Variants in KCNIP4 observed in about 807,000 individuals in gnomAD.
KCNIP4 encodes the protein potassium voltage-gated channel interacting protein 4.
KCNIP4 carries 12 observed loss-of-function variants against 34.0 expected under a neutral mutation model. The observed-to-expected ratio is 0.35, with a 90% CI of 0.23 to 0.57. The LOEUF (loss-of-function observed/expected upper bound fraction) is 0.57. KCNIP4 is among the 20% of genes least tolerant of loss of function. The pLI is 0.83. For synonymous variants in KCNIP4, 124 were observed against 102.2 expected (o/e 1.21, Z -1.29); for missense variants, 238 against 311.7 (o/e 0.76, Z 1.78).
chr4:21,751,494 C>T (rs1022690249), intron 1 of KCNIP4, among the ~76,000 whole-genome samples: 21 of 152,074 alleles, frequency 1.4e-4, no homozygotes, highest in Non-Finnish European at 2.8e-4. Flanking sequence ...AATATGACCT[C>T]CTCAAATAAA....
At chr4:21,358,838 T>C (rs941070916) in intron 1 of KCNIP4, among the ~76,000 whole-genome samples, 4 of 152,108 alleles carry the variant, frequency 2.6e-5, no homozygotes, top group African/African-American at 9.7e-5. Context: ...ATAATTTGTC[T>C]CTTATCTACC....
In KCNIP4 at chr4:20,833,709, G is replaced by A. The variant is rs114695133; in HGVS notation, c.288+16834C>T. On this transcript the variant is annotated intron_variant, in intron 3 of 8. Transcript: ENST00000382152. ...TGGGCTCAATATTAACTTTTTCCTC[G>A]AAGGTGCTAGTTTGTTATCCCACAC... Among the ~76,000 whole-genome samples, 660 of 152,026 alleles carry A rather than the reference G, an allele frequency of 4.3e-3. 2 individuals carry two copies. The highest frequency in any genetic ancestry group is 6.9e-3 in the African/African-American group (285 of 41,468).
chr4:21,393,972 T>C (rs973151529), intron 1 of KCNIP4, among the ~76,000 whole-genome samples: 7 of 152,202 alleles, frequency 4.6e-5, no homozygotes, highest in Admixed American at 4.6e-4. Context: ...AATTCATTCA[T>C]TTACCAAGTG....
At chr4:21,848,657 G>C (rs1315703398) in intron 1 of KCNIP4, 5 of 151,914 alleles carry the variant, frequency 3.3e-5, no homozygotes, top group African/African-American at 4.8e-5. Context: ...TATCCCTAAG[G>C]GCCTAATTCT....
At chr4:20,849,647 T>A (rs1379082475) in intron 3 of KCNIP4, among the ~76,000 whole-genome samples, 1 of 151,118 alleles carries the variant, frequency 6.6e-6, no homozygotes, top group Non-Finnish European at 1.5e-5. Context: ...TTCAAAAGGA[T>A]CAAAGCAATT....
chr4:20,941,654 C>T (rs1731651251), intron 1 of KCNIP4, among the ~76,000 whole-genome samples: 1 of 152,104 alleles, frequency 6.6e-6, no homozygotes, highest in Non-Finnish European at 1.5e-5. Context: ...AAATGCCATA[C>T]AGAAAGGTTA....
intron 1 of KCNIP4, among the ~76,000 whole-genome samples, chr4:21,765,620 T>C (rs1374417354): frequency 6.6e-6 from 1 of 151,752 alleles, no homozygotes; most frequent in African/African-American, 2.4e-5. Flanking sequence ...GTCTTCTTTT[T>C]CTTTTCTTTT....
At chr4:21,822,734 T>TG (rs1722431977) in intron 1 of KCNIP4, among the ~76,000 whole-genome samples, 1 of 151,562 alleles carries the variant, frequency 6.6e-6, no homozygotes, top group Admixed American at 6.6e-5. Flanking sequence ...TTTTTTTTTT[T>TG]TGAGATGGAG....
At chr4:21,098,983 G>A (rs1013243332) in intron 1 of KCNIP4, among the ~76,000 whole-genome samples, 2 of 152,166 alleles carry the variant, frequency 1.3e-5, no homozygotes, top group East Asian at 1.9e-4. Context: ...CACTGACGAG[G>A]CTGCAGAGAA....
At chr4:20,999,431 GTTTTTTGTTTTT>G (rs1737884349) in intron 1 of KCNIP4, among the ~76,000 whole-genome samples, 2 of 31,762 alleles carry the variant, frequency 6.3e-5, no homozygotes, top group African/African-American at 3.8e-4. Flanking sequence ...TTTTTTGTTT[GTTTTTTGTTTTT>G]TTTTTTTTTT....
chr4:20,953,956 C>T (rs1171977753), intron 1 of KCNIP4, among the ~76,000 whole-genome samples: 4 of 152,186 alleles, frequency 2.6e-5, no homozygotes, highest in Non-Finnish European at 5.9e-5. Context: ...ACGGGAAACA[C>T]TTCCCTGTGT....
intron 1 of KCNIP4, among the ~76,000 whole-genome samples, chr4:21,874,567 A>T (rs990381111): frequency 1.3e-5 from 2 of 152,164 alleles, no homozygotes; most frequent in Admixed American, 1.3e-4. Context: ...TGATAGCCAC[A>T]GCTCTCTCCA....
intron 1 of KCNIP4, among the ~76,000 whole-genome samples, chr4:21,577,492 A>G (rs530373575): frequency 6.6e-6 from 1 of 152,078 alleles, no homozygotes; most frequent in Non-Finnish European, 1.5e-5. Context: ...TTAGGCAGGC[A>G]TTGTGGCAGG....
At chr4:21,838,600 G>T (rs1400539413) in intron 1 of KCNIP4, among the ~76,000 whole-genome samples, 4 of 152,076 alleles carry the variant, frequency 2.6e-5, no homozygotes, top group African/African-American at 9.7e-5. Flanking sequence ...ACACTTTTAT[G>T]AATTCGTATT....
chr4:21,766,523 G>A (rs1042076976), intron 1 of KCNIP4, among the ~76,000 whole-genome samples: 1 of 152,062 alleles, frequency 6.6e-6, no homozygotes, highest in Non-Finnish European at 1.5e-5. Flanking sequence ...TGCTATCACT[G>A]TTGGCATAAA....
chr4:21,020,351 G>T (rs145238230), intron 1 of KCNIP4, among the ~76,000 whole-genome samples: 1 of 152,104 alleles, frequency 6.6e-6, no homozygotes, highest in South Asian at 2.1e-4. Context: ...ATCTAAGGCT[G>T]CTCCCCATTC....
chr4:21,002,774 G>A (rs778945012), intron 1 of KCNIP4, among the ~76,000 whole-genome samples: 1 of 152,150 alleles, frequency 6.6e-6, no homozygotes, highest in Non-Finnish European at 1.5e-5. Flanking sequence ...AATTCCACCT[G>A]AACGCAGAAC....
At chr4:21,747,881 AGT>A (rs1716878446) in intron 1 of KCNIP4, among the ~76,000 whole-genome samples, 3 of 151,940 alleles carry the variant, frequency 2.0e-5, no homozygotes, top group Admixed American at 2.0e-4. Context: ...ATGCAATGAA[AGT>A]GTTTTTACAA....
intron 1 of KCNIP4, among the ~76,000 whole-genome samples, chr4:21,715,737 G>A (rs1192387387): frequency 6.6e-6 from 1 of 152,136 alleles, no homozygotes; most frequent in Non-Finnish European, 1.5e-5. Context: ...AATGTCAGGG[G>A]TGAGTTGCAT....
Sources: allele counts gnomAD v4.1 joint callset (sites outside exome capture counted in the v4.1 genomes callset), GRCh38; gene constraint gnomAD v4.1.1; transcripts MANE v1.5; gene names NCBI Gene and HGNC (gene_info 2026-07-23, HGNC 2026-07-21).